Variants in RAB12 observed in about 807,000 individuals in gnomAD.
The protein encoded by RAB12 is ras-related protein Rab-12.
Under a neutral mutation model 28.4 loss-of-function variants are expected in RAB12, and 11 were observed. That is an observed-to-expected ratio of 0.39 (90% CI 0.24 to 0.64). The LOEUF (loss-of-function observed/expected upper bound fraction) is 0.64. Ranked by LOEUF, RAB12 falls within the 30% of genes least tolerant of loss-of-function variation. The probability of loss-of-function intolerance (pLI) is 0.50; values close to 1 mark genes in which losing one functional copy is unlikely to be tolerated. For synonymous variants in RAB12, 138 were observed against 145.3 expected (o/e 0.95, Z 0.36); for missense variants, 276 against 351.1 (o/e 0.79, Z 1.71).
At chr18:8,630,828 T>C (rs2096015536) in intron 2 of RAB12, among the ~76,000 whole-genome samples, 1 of 152,246 alleles carries the variant, frequency 6.6e-6, no homozygotes, top group Non-Finnish European at 1.5e-5. Context: ...CCTTTTCCTT[T>C]GACCACCTAT....
chr18:8,620,650 A>T (rs1217720349), intron 1 of RAB12, among the ~76,000 whole-genome samples: 9 of 151,960 alleles, frequency 5.9e-5, no homozygotes, highest in Non-Finnish European at 4.4e-5. Flanking sequence ...TTTGATGGAG[A>T]AGAGGGAGCA....
intron 3 of RAB12, chr18:8,635,298 C>T (rs1364905218): frequency 1.2e-5 from 4 of 320,996 alleles, no homozygotes; most frequent in Non-Finnish European, 1.7e-5. Flanking sequence ...ATTGTTGGGT[C>T]AACAGCCAAG....
chr18:8,628,461 A>T (rs1179654620), intron 2 of RAB12, among the ~76,000 whole-genome samples: 1 of 152,176 alleles, frequency 6.6e-6, no homozygotes, highest in Admixed American at 6.5e-5. Flanking sequence ...TCAAAGAAAC[A>T]TGCTTTTCTA....
In RAB12 at chr18:8,609,666, G is replaced by A. The variant is rs1361774778; in HGVS notation, c.227G>A (p.Gly76Glu). 3.4e-6 allele frequency: 3 copies of A among 882,858 alleles called. No homozygotes were observed. Among genetic ancestry groups the A allele is most frequent in the African/African-American group, 1.8e-5 (1 of 54,696 alleles). The allele number at this position is 882,858 out of a possible 1,614,324, so 54.7% of individuals were successfully genotyped here. A position where few individuals can be genotyped will look rare whatever the true frequency, so the allele number is the denominator to read the frequency against. ...AAEAEGAPGP[G>E]ARSRGAGGGG... Reference sequence around the variant, plus strand: ...GAGGCCGAGGGGGCGCCGGGGCCCGGGGCGCGCAGCCGGGGGGCGGGCGGC... The same window carrying A: ...GAGGCCGAGGGGGCGCCGGGGCCCGAGGCGCGCAGCCGGGGGGCGGGCGGC... The change falls in exon 1 of 6, where the codon GGG becomes GAG. Residue 76 changes from glycine to glutamate, a missense_variant. Around this residue, in one of 4 missense-constraint regions of RAB12, gnomAD observed 72 missense variants for 55.5 expected, o/e 1.30. Coordinates refer to ENST00000649141, the MANE Select transcript of RAB12 (RefSeq NM_001025300.3).
At chr18:8,635,738 A>ATTT in intron 4 of RAB12, 116 bp downstream of exon 4, 1 of 623,274 alleles carries the variant, frequency 1.6e-6, no homozygotes. Flanking sequence ...TACAGTGATA[A>ATTT]CTCAGTCACA....
At position 8,609,966 on chromosome 18, in the gene RAB12, C is replaced by T. The variant is rs1441421416; in HGVS notation, c.514+13C>T. 6.2e-7 allele frequency: 1 copy of T among 1,601,964 alleles called. No homozygotes were observed. Among genetic ancestry groups the T allele is most frequent in the Non-Finnish European group, 8.5e-7 (1 of 1,173,032 alleles). ...AAGTCCACCGTGGGTAAGGGCGCCA[C>T]GGCGACCCTGGGCCGGGCCTCCTGG... On this transcript the variant is annotated intron_variant, in intron 1 of 5. Transcript: ENST00000649141.
In RAB12 at chr18:8,638,347, TC is replaced by T; in HGVS notation, c.*87del. ...CTGCACTACAATCATTTTGACAATT[TC>T]CTTTCGCACTTTGTAATCCAAGTCA... is the stretch of plus-strand genomic sequence containing the variant. On this transcript the variant is annotated 3_prime_UTR_variant, in exon 6 of 6. Transcript: ENST00000649141. The T allele has an allele frequency of 1.1e-6, 1 of 920,032 alleles. No individual in the cohort carries two copies. Among genetic ancestry groups the T allele is most frequent in the South Asian group, 1.4e-5 (1 of 70,392 alleles). The allele number at this position is 920,032 out of a possible 1,614,324, so 57.0% of individuals were successfully genotyped here. A position where few individuals can be genotyped will look rare whatever the true frequency, so the allele number is the denominator to read the frequency against.
At position 8,633,225 on chromosome 18, in the gene RAB12, C is replaced by T. The variant is rs779204148; in HGVS notation, c.612C>T (p.Thr204=). The T allele has an allele frequency of 2.2e-5, 36 of 1,614,106 alleles. No individual in the cohort carries two copies. The highest frequency in any genetic ancestry group is 3.0e-5 in the Non-Finnish European group (35 of 1,180,030). ...GTCAGGAGAGATTCAACAGCATTAC[C>T]TCAGCTTATTACAGAAGTGCCAAGG... ...TAGQERFNSI[T]SAYYRSAKGI... The change falls in exon 3 of 6, where the codon ACC becomes ACT. Residue 204 remains threonine, a synonymous_variant. Coordinates refer to ENST00000649141, the MANE Select transcript of RAB12 (RefSeq NM_001025300.3).
intron 2 of RAB12, among the ~76,000 whole-genome samples, chr18:8,628,308 C>T (rs2096013989): frequency 6.6e-6 from 1 of 152,126 alleles, no homozygotes; most frequent in South Asian, 2.1e-4. Context: ...ATGGAATCAA[C>T]ATTTCATTTA....
At chr18:8,628,141 A>C (rs747293041) in intron 2 of RAB12, among the ~76,000 whole-genome samples, 1 of 152,220 alleles carries the variant, frequency 6.6e-6, no homozygotes, top group Non-Finnish European at 1.5e-5. Flanking sequence ...ACTCAAGTTT[A>C]TGGGGAAAAA....
At chr18:8,628,652 T>C (rs994360052) in intron 2 of RAB12, among the ~76,000 whole-genome samples, 3 of 152,248 alleles carry the variant, frequency 2.0e-5, no homozygotes, top group Non-Finnish European at 4.4e-5. Context: ...TTTCTTTACA[T>C]TGGACTTAAA....
At position 8,638,291 on chromosome 18, in the gene RAB12, G is replaced by T; in HGVS notation, c.*29G>T. On this transcript the variant is annotated 3_prime_UTR_variant, in exon 6 of 6. Coordinates refer to ENST00000649141, the MANE Select transcript of RAB12 (RefSeq NM_001025300.3). Reference sequence around the variant, plus strand: ...CCTACTTTGGAGACAAAGTGGAAATGATTCCTGGAAAGGGGAAAAAACGTT... The same window carrying T: ...CCTACTTTGGAGACAAAGTGGAAATTATTCCTGGAAAGGGGAAAAAACGTT... 10 of 1,516,536 alleles carry T rather than the reference G, an allele frequency of 6.6e-6. No homozygotes were observed. Among genetic ancestry groups the T allele is most frequent in the Non-Finnish European group, 9.2e-6 (10 of 1,092,782 alleles). 93.9% of individuals were successfully genotyped at this position (1,516,536 alleles called of 1,614,324 possible).
At chr18:8,632,836 T>G in intron 2 of RAB12, 5 of 229,118 alleles carry the variant, frequency 2.2e-5, no homozygotes, top group East Asian at 1.5e-4. Flanking sequence ...TTTTCCCCCA[T>G]TTTATTTTAG....
In RAB12 at chr18:8,637,620, C is replaced by T. The variant is rs78160019; in HGVS notation, c.910-529C>T. Among the ~76,000 whole-genome samples, 583 of 151,844 alleles carry T rather than the reference C, an allele frequency of 3.8e-3. 7 individuals carry two copies. Among genetic ancestry groups the T allele is most frequent in the African/African-American group, 0.013 (546 of 41,394 alleles). On this transcript the variant is annotated intron_variant, in intron 5 of 5. Coordinates refer to ENST00000649141, the MANE Select transcript of RAB12 (RefSeq NM_001025300.3). ...AATTTGGAAAGCATTTACAGTTGAC[C>T]CTTGAACAACAAGGGGGCTAGAGGT...
chr18:8,615,710 G>A (rs566891384), intron 1 of RAB12, among the ~76,000 whole-genome samples: 6 of 152,310 alleles, frequency 3.9e-5, no homozygotes, highest in South Asian at 2.1e-4. Flanking sequence ...TTGACAAAAC[G>A]TCCCCTTTTG....
intron 1 of RAB12, among the ~76,000 whole-genome samples, chr18:8,618,390 T>C (rs764982909): frequency 1.3e-5 from 2 of 152,148 alleles, no homozygotes; most frequent in East Asian, 1.9e-4. Flanking sequence ...TTTATAGTTA[T>C]AGTACTTAGT....
intron 1 of RAB12, among the ~76,000 whole-genome samples, chr18:8,618,340 A>G (rs1466278699): frequency 1.3e-5 from 2 of 152,194 alleles, no homozygotes; most frequent in Non-Finnish European, 2.9e-5. Context: ...TAGTAACATT[A>G]GGATTTTAAT....
intron 1 of RAB12, among the ~76,000 whole-genome samples, chr18:8,614,999 A>T (rs188421644): frequency 6.6e-6 from 1 of 152,236 alleles, no homozygotes; most frequent in Non-Finnish European, 1.5e-5. Flanking sequence ...ACTCCGCTGC[A>T]GGCCGCAGTC....
In RAB12 at chr18:8,638,530, G is replaced by A; in HGVS notation, c.*268G>A. ...CCTAGTACTTCTAATATGAAGAATG[G>A]GAGAAATGAAAGGTATAATGTTTCT... On this transcript the variant is annotated 3_prime_UTR_variant, in exon 6 of 6. Transcript: ENST00000649141. 2 of 324,164 alleles carry A rather than the reference G, an allele frequency of 6.2e-6. No individual in the cohort carries two copies. Among genetic ancestry groups the A allele is most frequent in the Non-Finnish European group, 1.1e-5 (2 of 175,958 alleles). 20.1% of individuals were successfully genotyped at this position (324,164 alleles called of 1,614,324 possible).
Sources: gnomAD v4.1 joint callset for allele counts (sites outside exome capture counted in the v4.1 genomes callset) on GRCh38, gnomAD v4.1.1 for gene constraint, gnomAD v4.1.1 regional missense constraint, MANE v1.5 for transcripts, NCBI Gene and HGNC (gene_info 2026-07-23, HGNC 2026-07-21) for gene names.